The following SV2B variants were observed in gnomAD, a reference collection of about 807,000 sequenced individuals.
SV2B encodes solute carrier family 22 member B2.
Under a neutral mutation model 73.9 loss-of-function variants are expected in SV2B, and 41 were observed. The ratio of observed to expected loss-of-function variants is 0.56; its 90% confidence interval spans 0.43 to 0.72. The LOEUF (loss-of-function observed/expected upper bound fraction) is 0.72. SV2B is among the 30% of genes least tolerant of loss of function. The probability of loss-of-function intolerance (pLI) is 0.00; values close to 1 mark genes in which losing one functional copy is unlikely to be tolerated. For missense variants in SV2B, 764 were observed against 857.8 expected (o/e 0.89, Z 1.37); for synonymous variants, 314 against 314.2 (o/e 1.00, Z 0.01).
intron 9 of SV2B, among the ~76,000 whole-genome samples, chr15:91,279,547 G>T (rs1041585570): frequency 6.6e-6 from 1 of 152,212 alleles, no homozygotes; most frequent in African/African-American, 2.4e-5. Context: ...TATGTAGAGC[G>T]TCATAAAATA....
intron 2 of SV2B, 127 bp from the exon 3 acceptor site, chr15:91,251,691 AC>A (rs1437885176): frequency 1.2e-5 from 14 of 1,130,480 alleles, no homozygotes; most frequent in Middle Eastern, 2.8e-4. Context: ...ATCACATTCC[AC>A]CATTTTGTGT....
rs1445940797 is a variant in SV2B at position 91,128,507 on chromosome 15, G to C, written c.-392+28144G>C. Among the ~76,000 whole-genome samples the C allele has an allele frequency of 1.3e-5, 2 of 152,164 alleles. No individual in the cohort carries two copies. The highest frequency in any genetic ancestry group is 1.3e-4 in the Admixed American group (2 of 15,272). The stretch of plus-strand genomic sequence containing the variant: ...AAATGAAGGCCTCAGAAGCGAAAGT[G>C]TTTTTCTCCTCCCCGTCTGTCTCTC... On this transcript the variant is annotated intron_variant, in intron 1 of 12. Coordinates refer to ENST00000394232, the MANE Select transcript of SV2B (RefSeq NM_001323032.3). This position sits in a 1 kb window ranked among gnomAD's most constrained non-coding sequence, Gnocchi z 4.2.
At chr15:91,274,600 A>G (rs970815242) in intron 9 of SV2B, among the ~76,000 whole-genome samples, 2 of 152,208 alleles carry the variant, frequency 1.3e-5, no homozygotes, top group African/African-American at 2.4e-5. Flanking sequence ...GACATTTAAA[A>G]TCTGTTGGAT....
intron 1 of SV2B, among the ~76,000 whole-genome samples, chr15:91,104,324 T>C (rs545931091): frequency 1.3e-5 from 2 of 152,336 alleles, no homozygotes; most frequent in South Asian, 4.1e-4. Context: ...CTCTGCTCCA[T>C]GTGGTCACTC....
In SV2B at chr15:91,140,481, G is replaced by A. The variant is rs926454994; in HGVS notation, c.-392+40118G>A. On this transcript the variant is annotated intron_variant, in intron 1 of 12. Transcript: ENST00000394232. The surrounding 1 kb of genome is among the most constrained non-coding windows in gnomAD (Gnocchi z 4.4). ...GTATATCTCTCCTGTGTGCCAATTC[G>A]TGGAGTTCCTCCAAATGAACTTCCC... Among the ~76,000 whole-genome samples, 8 of 152,122 alleles carry A rather than the reference G, an allele frequency of 5.3e-5. No individual in the cohort carries two copies. Among genetic ancestry groups the A allele is most frequent in the Admixed American group, 2.0e-4 (3 of 15,280 alleles).
chr15:91,225,372 A>G (rs1596621761), intron 1 of SV2B, among the ~76,000 whole-genome samples: 1 of 152,324 alleles, frequency 6.6e-6, no homozygotes, highest in Middle Eastern at 3.4e-3. Context: ...CAAAGTTAGA[A>G]AAGCGGCATT....
chr15:91,185,975 G>A (rs913476568), intron 1 of SV2B, among the ~76,000 whole-genome samples: 6 of 152,160 alleles, frequency 3.9e-5, no homozygotes, highest in African/African-American at 7.2e-5. Context: ...ATGGGCTCTC[G>A]TTTGTCCCAG....
chr15:91,271,729 C>T (rs2048324245), intron 9 of SV2B, among the ~76,000 whole-genome samples: 1 of 152,106 alleles, frequency 6.6e-6, no homozygotes. Context: ...TGAAAGGAGC[C>T]TGGCTTCTTT....
intron 1 of SV2B, among the ~76,000 whole-genome samples, chr15:91,160,875 T>G (rs2043690802): frequency 6.6e-6 from 1 of 152,168 alleles, no homozygotes; most frequent in Admixed American, 6.6e-5. Context: ...GATGCATTAA[T>G]CATCAAAGAG....
rs2046790981 is a variant in SV2B, at chr15:91,236,576, G to T, written c.451+9862G>T. On this transcript the variant is annotated intron_variant, in intron 2 of 12. Coordinates refer to ENST00000394232, the MANE Select transcript of SV2B (RefSeq NM_001323032.3). This position sits in a 1 kb window ranked among gnomAD's most constrained non-coding sequence, Gnocchi z 4.1. ...AAGTATATGTAAGCTTTTGACCTTGGTGGCCCAATGAAGAGGGTTTAGAGA... is the reference window on the plus strand; with the variant it reads ...AAGTATATGTAAGCTTTTGACCTTGTTGGCCCAATGAAGAGGGTTTAGAGA... Among the ~76,000 whole-genome samples, 1 of 152,164 alleles carries T rather than the reference G, an allele frequency of 6.6e-6. No individual in the cohort carries two copies. The highest frequency in any genetic ancestry group is 2.1e-4 in the South Asian group (1 of 4,822).
chr15:91,114,344 A>G (rs1028015121), intron 1 of SV2B, among the ~76,000 whole-genome samples: 1 of 152,194 alleles, frequency 6.6e-6, no homozygotes, highest in Non-Finnish European at 1.5e-5. Context: ...AGGGTGAGAG[A>G]ACAAGAGTTT....
chr15:91,169,336 A>T (rs1032975619), intron 1 of SV2B, among the ~76,000 whole-genome samples: 22 of 152,160 alleles, frequency 1.4e-4, no homozygotes, highest in Non-Finnish European at 2.8e-4. Flanking sequence ...ACTCTCCTGC[A>T]TGTGGCCAGC....
rs1422437545 is a variant in SV2B at position 91,183,331 on chromosome 15, A to G, written c.-391-42542A>G. The stretch of plus-strand genomic sequence containing the variant: ...ACTTCCCTTTGACTTTCTATTGTAT[A>G]CTGTTGAAATATGAAGTAGAGAATC... On this transcript the variant is annotated intron_variant, in intron 1 of 12. Coordinates refer to ENST00000394232, the MANE Select transcript of SV2B (RefSeq NM_001323032.3). Among the ~76,000 whole-genome samples, 9 of 152,360 alleles carry G rather than the reference A, an allele frequency of 5.9e-5. No homozygotes were observed. The East Asian group carries it at 1.5e-3, about 26-fold the overall frequency.
intron 1 of SV2B, among the ~76,000 whole-genome samples, chr15:91,167,095 G>A (rs2043943369): frequency 6.6e-6 from 1 of 152,134 alleles, no homozygotes; most frequent in Non-Finnish European, 1.5e-5. Context: ...TTACAGGCGT[G>A]AGCCACCGCG....
At chr15:91,292,267 C>A in intron 12 of SV2B, 102 bp from the exon 13 acceptor site, 1 of 1,206,386 alleles carries the variant, frequency 8.3e-7, no homozygotes, top group Non-Finnish European at 1.1e-6. Flanking sequence ...AAAAAAACTC[C>A]CTTGCACCCT....
At position 91,121,417 on chromosome 15, in the gene SV2B, CA is replaced by C. The variant is rs1410972797; in HGVS notation, c.-392+21055del. ...ATGATCCTAATGTGCAGCCAAGACC[CA>C]GTGACAGAGCAAACCTTCAATTATT... On this transcript the variant is annotated intron_variant, in intron 1 of 12. Coordinates refer to ENST00000394232, the MANE Select transcript of SV2B (RefSeq NM_001323032.3). The surrounding 1 kb of genome is among the most constrained non-coding windows in gnomAD (Gnocchi z 4.4). 5.9e-5 allele frequency among the ~76,000 whole-genome samples: 9 copies of C among 152,190 alleles called. No individual in the cohort carries two copies. The highest frequency in any genetic ancestry group is 1.9e-4 in the African/African-American group (8 of 41,440).
chr15:91,136,985 G>A lies in SV2B; in HGVS notation c.-392+36622G>A, dbSNP rs116011756. Among the ~76,000 whole-genome samples, 2,017 of 152,200 alleles carry A rather than the reference G, an allele frequency of 0.013. 44 individuals carry two copies. The highest frequency in any genetic ancestry group is 0.046 in the African/African-American group (1,914 of 41,524). On this transcript the variant is annotated intron_variant, in intron 1 of 12. Coordinates refer to ENST00000394232, the MANE Select transcript of SV2B (RefSeq NM_001323032.3). This position sits in a 1 kb window ranked among gnomAD's most constrained non-coding sequence, Gnocchi z 5.6. ...GCTCCTGAATGAAAATTTGATCCAC[G>A]CAGAAGACAACCTGCAGGCAAAGCA...
chr15:91,228,016 A>T (rs2046439711), intron 2 of SV2B, among the ~76,000 whole-genome samples: 1 of 152,252 alleles, frequency 6.6e-6, no homozygotes, highest in Admixed American at 6.5e-5. Flanking sequence ...ATTTACAAAA[A>T]AATGGTCAGT....
rs904191579 is a variant in SV2B at position 91,106,795 on chromosome 15, G to C, written c.-392+6432G>C. Among the ~76,000 whole-genome samples the C allele has an allele frequency of 6.6e-6, 1 of 152,222 alleles. No individual in the cohort carries two copies. Among genetic ancestry groups the C allele is most frequent in the Non-Finnish European group, 1.5e-5 (1 of 68,030 alleles). On this transcript the variant is annotated intron_variant, in intron 1 of 12. Transcript: ENST00000394232. The surrounding 1 kb of genome is among the most constrained non-coding windows in gnomAD (Gnocchi z 4.4). Reference sequence around the variant, plus strand: ...CAGAAGCAAGGAAGAATCTTGAAAGGGGAGAATTTTATTTAAATCAATTTA... The same window carrying C: ...CAGAAGCAAGGAAGAATCTTGAAAGCGGAGAATTTTATTTAAATCAATTTA...
Sources: gnomAD v4.1 joint callset for allele counts (sites outside exome capture counted in the v4.1 genomes callset) on GRCh38, gnomAD v4.1.1 for gene constraint, Gnocchi (gnomAD v3.1) non-coding constraint, MANE v1.5 for transcripts, NCBI Gene and HGNC (gene_info 2026-07-23, HGNC 2026-07-21) for gene names.